WDR59: variants seen among roughly 807,000 people sequenced by gnomAD.
WDR59 encodes GATOR2 complex protein WDR59.
In WDR59, 100 loss-of-function variants were observed where a neutral mutation model predicts 131.2. The observed-to-expected ratio is 0.76, with a 90% CI of 0.65 to 0.90. The LOEUF is 0.90. Ranked by LOEUF, WDR59 falls within the 40% of genes least tolerant of loss-of-function variation. The probability of loss-of-function intolerance (pLI) is 0.00; values close to 1 mark genes in which losing one functional copy is unlikely to be tolerated. For missense variants in WDR59, 1,203 were observed against 1,262.2 expected (o/e 0.95, Z 0.71); for synonymous variants, 601 against 466.2 (o/e 1.29, Z -3.72).
intron 1 of WDR59, among the ~76,000 whole-genome samples, chr16:74,984,388 G>C (rs1567452840): frequency 6.6e-6 from 1 of 152,184 alleles, no homozygotes; most frequent in Non-Finnish European, 1.5e-5. Flanking sequence ...GACGTGTACG[G>C]AGTGATGACA....
intron 14 of WDR59, among the ~76,000 whole-genome samples, chr16:74,911,400 C>A (rs532500921): frequency 6.6e-6 from 1 of 152,298 alleles, no homozygotes; most frequent in Non-Finnish European, 1.5e-5. Context: ...CAAGTGTCCA[C>A]GACCCAAACT....
chr16:74,888,150 C>T lies in WDR59; in HGVS notation c.2346+19G>A, dbSNP rs768366484. 2.6e-6 allele frequency: 4 copies of T among 1,547,920 alleles called. No individual in the cohort carries two copies. The highest frequency in any genetic ancestry group is 2.2e-5 in the Admixed American group (1 of 45,254). ...AAAAAAAAAAAAAATCAGACAAAACCAGAAAAGGACAAACTTACATATCGA... is the reference window on the plus strand; with the variant it reads ...AAAAAAAAAAAAAATCAGACAAAACTAGAAAAGGACAAACTTACATATCGA... On this transcript the variant is annotated intron_variant, in intron 22 of 25. Coordinates refer to ENST00000262144, the MANE Select transcript of WDR59 (RefSeq NM_030581.4).
chr16:74,977,977 G>A (rs2034254184), intron 1 of WDR59, among the ~76,000 whole-genome samples: 3 of 152,304 alleles, frequency 2.0e-5, no homozygotes, highest in Admixed American at 2.0e-4. Flanking sequence ...GGAGGCCAAG[G>A]TGGGAGGGCT....
intron 2 of WDR59, among the ~76,000 whole-genome samples, chr16:74,961,110 A>C (rs1002287765): frequency 2.0e-5 from 3 of 151,586 alleles, no homozygotes; most frequent in African/African-American, 7.3e-5. Flanking sequence ...GTTCAAGATC[A>C]GCCTAGGCAA....
intron 8 of WDR59, among the ~76,000 whole-genome samples, chr16:74,933,727 C>T (rs2031582468): frequency 6.6e-6 from 1 of 152,166 alleles, no homozygotes; most frequent in East Asian, 1.9e-4. Context: ...GCTGGGATTA[C>T]AGGCTGCACC....
intron 7 of WDR59, 111 bp downstream of exon 7, chr16:74,942,627 C>T: frequency 1.0e-6 from 1 of 986,966 alleles, no homozygotes; most frequent in Non-Finnish European, 1.6e-6. Flanking sequence ...ATTTACCATG[C>T]TGCACAGGGT....
chr16:74,905,391 A>C (rs933349383), intron 17 of WDR59, among the ~76,000 whole-genome samples: 8 of 151,578 alleles, frequency 5.3e-5, no homozygotes, highest in Admixed American at 6.6e-5. Flanking sequence ...ATAAAAAATA[A>C]AATAAATAGG....
chr16:74,972,304 A>G (rs2034013985), intron 1 of WDR59, among the ~76,000 whole-genome samples: 1 of 152,216 alleles, frequency 6.6e-6, no homozygotes, highest in Non-Finnish European at 1.5e-5. Flanking sequence ...AAGGAAATCA[A>G]TTCCATGAGA....
At chr16:74,898,514 T>C (rs577578053) in intron 18 of WDR59, among the ~76,000 whole-genome samples, 1 of 151,834 alleles carries the variant, frequency 6.6e-6, no homozygotes, top group East Asian at 1.9e-4. Context: ...AAGGTGTTCA[T>C]GGAGTTATGG....
intron 17 of WDR59, 94 bp downstream of exon 17, chr16:74,908,814 C>G: frequency 1.1e-6 from 1 of 931,548 alleles, no homozygotes; most frequent in Middle Eastern, 2.2e-4. Flanking sequence ...AACTGAAATG[C>G]ACTGTCCAAA....
intron 20 of WDR59, among the ~76,000 whole-genome samples, chr16:74,890,842 C>T (rs537262438): frequency 6.6e-6 from 1 of 152,158 alleles, no homozygotes; most frequent in South Asian, 2.1e-4. Context: ...TACGGCGGGC[C>T]CTGTGGCTCA....
intron 1 of WDR59, chr16:74,984,586 A>ACT: frequency 3.6e-6 from 1 of 281,358 alleles, no homozygotes; most frequent in Non-Finnish European, 6.9e-6. Context: ...GAGACTTAGA[A>ACT]AAGTCCCGCG....
rs907479900 is a variant in WDR59 at position 74,932,344 on chromosome 16, C to A, written c.651+5806G>T. On this transcript the variant is annotated intron_variant, in intron 8 of 25. Coordinates refer to ENST00000262144, the MANE Select transcript of WDR59 (RefSeq NM_030581.4). Reference sequence around the variant, plus strand: ...TCCTCAAGGGATCCTCCCACCTCGGCCTCTCAAAGTGCCAGGATTACAGGC... The same window carrying A: ...TCCTCAAGGGATCCTCCCACCTCGGACTCTCAAAGTGCCAGGATTACAGGC... 2.0e-5 allele frequency among the ~76,000 whole-genome samples: 3 copies of A among 151,700 alleles called. No homozygotes were observed. In the East Asian group the frequency reaches 5.8e-4, roughly 29 times the overall value.
intron 8 of WDR59, among the ~76,000 whole-genome samples, chr16:74,930,573 G>GT (rs1010818093): frequency 6.6e-6 from 1 of 151,826 alleles, no homozygotes; most frequent in Non-Finnish European, 1.5e-5. Context: ...CTTTATGAAA[G>GT]TTTTTTTTAA....
chr16:74,914,663 G>A (rs1031826833), intron 13 of WDR59, among the ~76,000 whole-genome samples: 15 of 151,152 alleles, frequency 9.9e-5, no homozygotes, highest in Admixed American at 5.9e-4. Context: ...TGTGATCTCG[G>A]CCTCACTGCA....
intron 6 of WDR59, among the ~76,000 whole-genome samples, chr16:74,947,213 C>G (rs1457346698): frequency 6.6e-6 from 1 of 152,170 alleles, no homozygotes; most frequent in Non-Finnish European, 1.5e-5. Flanking sequence ...CTTTGGGAGG[C>G]CAAGTCGGGT....
chr16:74,874,840 C>CT (rs1477162961), intron 25 of WDR59, among the ~76,000 whole-genome samples: 1 of 152,202 alleles, frequency 6.6e-6, no homozygotes, highest in Non-Finnish European at 1.5e-5. Flanking sequence ...ATCCACCTGC[C>CT]TTGGCCTCCC....
chr16:74,886,181 A>C lies in WDR59; in HGVS notation c.2546+89T>G. The C allele has an allele frequency of 4.2e-6, 6 of 1,425,304 alleles. 1 individual carries two copies. Among genetic ancestry groups the C allele is most frequent in the Non-Finnish European group, 5.7e-6 (6 of 1,055,654 alleles). 88.3% of individuals were successfully genotyped at this position (1,425,304 alleles called of 1,614,324 possible). Reference sequence around the variant, plus strand: ...GACCGGGTAAGATTCTGTGTCCAAAAAAAAAAAAAGTAAGAGTTGTGATTG... The same window carrying C: ...GACCGGGTAAGATTCTGTGTCCAAACAAAAAAAAAGTAAGAGTTGTGATTG... On this transcript the variant is annotated intron_variant, in intron 24 of 25. Coordinates refer to ENST00000262144, the MANE Select transcript of WDR59 (RefSeq NM_030581.4).
At chr16:74,918,319 C>T (rs1250797125) in intron 10 of WDR59, among the ~76,000 whole-genome samples, 2 of 152,198 alleles carry the variant, frequency 1.3e-5, no homozygotes, top group African/African-American at 4.8e-5. Context: ...AAGGAAATCA[C>T]ATTTGAGCAG....
Sources: allele counts gnomAD v4.1 joint callset (sites outside exome capture counted in the v4.1 genomes callset), GRCh38; gene constraint gnomAD v4.1.1; transcripts MANE v1.5; gene names NCBI Gene and HGNC (gene_info 2026-07-23, HGNC 2026-07-21).